The following QRFP variants were observed in gnomAD, a reference collection of about 807,000 sequenced individuals.
The protein encoded by QRFP is orexigenic neuropeptide QRFP.
In QRFP, 7 loss-of-function variants were observed where a neutral mutation model predicts 9.1. The ratio of observed to expected loss-of-function variants is 0.77; its 90% confidence interval spans 0.44 to 1.45. The LOEUF is 1.45. Among genes scored for constraint, QRFP ranks in the 40% most tolerant of loss-of-function variants. The pLI, the probability that QRFP is intolerant of heterozygous loss-of-function variation, is 0.01. For missense variants in QRFP, 204 were observed against 185.4 expected (o/e 1.10, Z -0.58); for synonymous variants, 91 against 80.2 (o/e 1.13, Z -0.72).
rs1831748999 is a variant in QRFP at position 130,895,789 on chromosome 9, G to A, written c.-93C>T. 6.5e-6 allele frequency: 1 copy of A among 152,720 alleles called. No individual in the cohort carries two copies. Among genetic ancestry groups the A allele is most frequent in the East Asian group, 1.9e-4 (1 of 5,186 alleles). 9.5% of individuals were successfully genotyped at this position (152,720 alleles called of 1,614,324 possible). ...AGAGCTGCTCTGGGTCCTCGTCCAG[G>A]AGGCATGGCCCCTGGGCTCTCCCTG... On this transcript the variant is annotated 5_prime_UTR_variant, in exon 2 of 3. Coordinates refer to ENST00000623824, the MANE Select transcript of QRFP (RefSeq NM_198180.3).
intron 1 of QRFP, among the ~76,000 whole-genome samples, chr9:130,896,268 T>G (rs1033731787): frequency 7.2e-5 from 11 of 152,266 alleles, no homozygotes; most frequent in Middle Eastern, 3.4e-3. Context: ...CCCCGGCAGG[T>G]GGAGCCCTCA....
chr9:130,893,442 A>G lies in QRFP; in HGVS notation c.397T>C (p.Phe133Leu). The change falls in exon 3 of 3, where the codon TTC becomes CTC. Residue 133 changes from phenylalanine to leucine, a missense_variant. Physicochemically the swap from Phe to Leu is conservative, Grantham distance 22. Transcript: ENST00000623824. Reference protein sequence around the residue: ...SRKKGGFSFRFGRR With the variant: ...SRKKGGFSFRLGRR The stretch of plus-strand genomic sequence containing the variant: ...GTCCTGGCCCTTCACCGCCGACCGA[A>G]GCGGAAGCTGAAGCCGCCTTTCTTC... 6.3e-7 allele frequency: 1 copy of G among 1,585,032 alleles called. No individual in the cohort carries two copies. Among genetic ancestry groups the G allele is most frequent in the Non-Finnish European group, 8.6e-7 (1 of 1,160,984 alleles).
rs766427857 is a variant in QRFP, at chr9:130,893,483, A to G, written c.356T>C (p.Leu119Pro). 6.2e-7 allele frequency: 1 copy of G among 1,604,964 alleles called. No individual in the cohort carries two copies. The highest frequency in any genetic ancestry group is 8.5e-7 in the Non-Finnish European group (1 of 1,174,038). ...SGPLGNLAEELNGYSRKKGGF... is the reference protein window; with the variant it reads ...SGPLGNLAEEPNGYSRKKGGF... ...GCCTTTCTTCCTGCTGTAGCCATTG[A>G]GCTCCTCAGCCAGGTTCCCTAACGG... The change falls in exon 3 of 3, where the codon CTC (leucine) becomes CCC (proline). Residue 119 changes from leucine (L) to proline (P), a missense_variant. Physicochemically the swap from Leu to Pro is moderately conservative, Grantham distance 98. Transcript: ENST00000623824.
In QRFP at chr9:130,893,612, G is replaced by A. The variant is rs1347308836; in HGVS notation, c.227C>T (p.Thr76Ile). The change falls in exon 3 of 3, where the codon ACA becomes ATA. Residue 76 changes from threonine (T) to isoleucine (I), a missense_variant. Coordinates refer to ENST00000623824, the MANE Select transcript of QRFP (RefSeq NM_198180.3). ...GCAGCCAGCATGCTCTCTGCCCGAT[G>A]TCTGCAGCCCCCTGGCTATGACAAG... ...ALLVIARGLQ[T>I]SGREHAGCRF... 3 of 1,612,118 alleles carry A rather than the reference G, an allele frequency of 1.9e-6. No homozygotes were observed. The highest frequency in any genetic ancestry group is 2.5e-6 in the Non-Finnish European group (3 of 1,179,280).
chr9:130,893,675 G>T lies in QRFP; in HGVS notation c.164C>A (p.Ser55Tyr). 1 of 1,604,116 alleles carries T rather than the reference G, an allele frequency of 6.2e-7. No individual in the cohort carries two copies. Among genetic ancestry groups the T allele is most frequent in the South Asian group, 1.1e-5 (1 of 90,788 alleles). The change falls in exon 3 of 3, where the codon TCC (serine) becomes TAC (tyrosine). Residue 55 changes from serine to tyrosine, a missense_variant. Transcript: ENST00000623824. Reference protein sequence around the residue: ...MGPRPHSVWGSSRWLRASQPQ... With the variant: ...MGPRPHSVWGYSRWLRASQPQ... ...CTGTGAAGCTCTCAGCCACCGAGAG[G>T]AACCCCACACGGAGTGGGGTCGGGG...
Position 130,895,026 on chromosome 9 carries a change from A to G in QRFP, c.-1+671T>C, listed in dbSNP as rs180912102. Among the ~76,000 whole-genome samples the G allele has an allele frequency of 2.0e-5, 3 of 152,314 alleles. No homozygotes were observed. In the East Asian group the frequency reaches 5.8e-4, roughly 29 times the overall value. The stretch of plus-strand genomic sequence containing the variant: ...AATGGCTCCCTCGAACACATTTCAA[A>G]GAAGCGAGCTCAGCCAGGAAGCTTT... On this transcript the variant is annotated intron_variant, in intron 2 of 2. Coordinates refer to ENST00000623824, the MANE Select transcript of QRFP (RefSeq NM_198180.3).
intron 2 of QRFP, among the ~76,000 whole-genome samples, chr9:130,894,046 C>G (rs1052535201): frequency 1.3e-5 from 2 of 152,258 alleles, no homozygotes; most frequent in Non-Finnish European, 2.9e-5. Flanking sequence ...TCTTCTCCTG[C>G]AGTCCCCACG....
intron 1 of QRFP, among the ~76,000 whole-genome samples, chr9:130,896,316 C>T (rs1027426868): frequency 6.6e-6 from 1 of 152,242 alleles, no homozygotes; most frequent in Non-Finnish European, 1.5e-5. Context: ...GGGGGCACGG[C>T]AGATGCCCAG....
In QRFP at chr9:130,894,421, G is replaced by A. The variant is rs1431537684; in HGVS notation, c.1-583C>T. 2.0e-5 allele frequency among the ~76,000 whole-genome samples: 3 copies of A among 152,168 alleles called. 1 individual carries two copies. The South Asian group carries it at 6.2e-4, about 32-fold the overall frequency. On this transcript the variant is annotated intron_variant, in intron 2 of 2. Coordinates refer to ENST00000623824, the MANE Select transcript of QRFP (RefSeq NM_198180.3). ...GGCCTGGGCACCGTAGGTCTGCCAG[G>A]CTCTGAGCCAAGAGCTCACACATGT...
rs1158596068 is a variant in QRFP, at chr9:130,893,008, T to C, written c.*420A>G. On this transcript the variant is annotated 3_prime_UTR_variant, in exon 3 of 3. Coordinates refer to ENST00000623824, the MANE Select transcript of QRFP (RefSeq NM_198180.3). ...CTCTGTACCCAGTGGAATGCACTCA[T>C]TTGCACTCTGATGTCAGCCGCAGTC... 6.3e-6 allele frequency: 1 copy of C among 158,564 alleles called. No individual in the cohort carries two copies. Among genetic ancestry groups the C allele is most frequent in the Non-Finnish European group, 1.4e-5 (1 of 72,678 alleles). The allele number at this position is 158,564 out of a possible 1,614,324, so 9.8% of individuals were successfully genotyped here.
chr9:130,893,903 A>C, intron 2 of QRFP, 65 bp from the exon 3 acceptor site: 6 of 1,426,360 alleles, frequency 4.2e-6, no homozygotes, highest in Non-Finnish European at 5.6e-6. Flanking sequence ...ACTCACCAAA[A>C]TGTTTCCCCG....
chr9:130,893,382 T>A lies in QRFP; in HGVS notation c.*46A>T. On this transcript the variant is annotated 3_prime_UTR_variant, in exon 3 of 3. Coordinates refer to ENST00000623824, the MANE Select transcript of QRFP (RefSeq NM_198180.3). ...GGGGAGAAGGCAGGAGTGAAGACAATGGGGGTGAGTCCAAGAAGCAAATCC... is the reference window on the plus strand; with the variant it reads ...GGGGAGAAGGCAGGAGTGAAGACAAAGGGGGTGAGTCCAAGAAGCAAATCC... 3 of 1,522,310 alleles carry A rather than the reference T, an allele frequency of 2.0e-6. No homozygotes were observed. The highest frequency in any genetic ancestry group is 2.7e-6 in the Non-Finnish European group (3 of 1,131,866). 94.3% of individuals were successfully genotyped at this position (1,522,310 alleles called of 1,614,324 possible). A position where few individuals can be genotyped will look rare whatever the true frequency, so the allele number is the denominator to read the frequency against.
At chr9:130,895,567 G>A (rs991003851) in intron 2 of QRFP, 130 bp downstream of exon 2, 3 of 152,472 alleles carry the variant, frequency 2.0e-5, no homozygotes, top group African/African-American at 7.2e-5. Flanking sequence ...TGGCAGGGGA[G>A]GCACTGGTGT....
Position 130,893,435 on chromosome 9 carries a change from C to T in QRFP, c.404G>A (p.Arg135Gln), listed in dbSNP as rs1487849006. The change falls in exon 3 of 3, where the codon CGG becomes CAG. Residue 135 changes from arginine (R) to glutamine (Q), a missense_variant. Physicochemically the swap from Arg to Gln is conservative, Grantham distance 43 (BLOSUM62 1). Transcript: ENST00000623824. The stretch of plus-strand genomic sequence containing the variant: ...CCAAGGCGTCCTGGCCCTTCACCGC[C>T]GACCGAAGCGGAAGCTGAAGCCGCC... ...KKGGFSFRFG[R>Q]R 4 of 1,581,646 alleles carry T rather than the reference C, an allele frequency of 2.5e-6. No homozygotes were observed. The highest frequency in any genetic ancestry group is 3.5e-6 in the Non-Finnish European group (4 of 1,159,382).
intron 2 of QRFP, among the ~76,000 whole-genome samples, chr9:130,894,173 A>G (rs980816025): frequency 2.6e-5 from 4 of 152,186 alleles, no homozygotes; most frequent in African/African-American, 9.7e-5. Context: ...TTATTATAAA[A>G]TGGCCATATC....
chr9:130,894,396 G>C (rs761130432), intron 2 of QRFP, among the ~76,000 whole-genome samples: 2 of 151,948 alleles, frequency 1.3e-5, no homozygotes, highest in African/African-American at 4.8e-5. Flanking sequence ...ACACCACTGG[G>C]GCCTGGGCAC....
chr9:130,896,443 C>G (rs1432868921), intron 1 of QRFP, 134 bp downstream of exon 1: 1 of 152,420 alleles, frequency 6.6e-6, no homozygotes, highest in East Asian at 1.9e-4. Flanking sequence ...CCAGCCTCTG[C>G]TCCTTGCCCG....
intron 2 of QRFP, among the ~76,000 whole-genome samples, chr9:130,895,094 GTTC>G (rs1207606094): frequency 6.6e-6 from 1 of 152,154 alleles, no homozygotes; most frequent in East Asian, 1.9e-4. Context: ...CCCAAATCCA[GTTC>G]TTCTAAGCTT....
In QRFP at chr9:130,893,553, C is replaced by CACTGCCTTCGT. The variant is rs1831716128; in HGVS notation, c.275_285dup (p.Glu96ThrfsTer21). 6.2e-7 allele frequency: 1 copy of CACTGCCTTCGT among 1,612,966 alleles called. No individual in the cohort carries two copies. Among genetic ancestry groups the CACTGCCTTCGT allele is most frequent in the Non-Finnish European group, 8.5e-7 (1 of 1,179,864 alleles). On this transcript the variant is annotated frameshift_variant, in exon 3 of 3. Transcript: ENST00000623824. LOFTEE classifies it high-confidence loss of function. ...GCAGCAGGGAGGAAGCCGGTGGCCT[C>CACTGCCTTCGT]ACTGCCTTCGTCCTGCCTCCCGAAG...
Sources: allele counts gnomAD v4.1 joint callset (sites outside exome capture counted in the v4.1 genomes callset), GRCh38; gene constraint gnomAD v4.1.1; transcripts MANE v1.5; gene names NCBI Gene and HGNC (gene_info 2026-07-23, HGNC 2026-07-21).